OSBPL1A: variants seen among roughly 807,000 people sequenced by gnomAD.
OSBPL1A encodes the protein oxysterol binding protein like 1A.
A neutral mutation model predicts 137.1 loss-of-function variants in OSBPL1A; 80 were observed. The observed-to-expected ratio is 0.58, with a 90% CI of 0.49 to 0.70. OSBPL1A has a LOEUF of 0.70. OSBPL1A is among the 30% of genes least tolerant of loss of function. The pLI, the probability that OSBPL1A is intolerant of heterozygous loss-of-function variation, is 0.00. For missense variants in OSBPL1A, 970 were observed against 1,129.4 expected, an observed-to-expected ratio of 0.86 and a Z score of 2.02; for synonymous variants, 365 against 389.7, an observed-to-expected ratio of 0.94 and a Z score of 0.75.
Position 24,239,387 on chromosome 18 carries a change from A to T in OSBPL1A, c.1282-5T>A, listed in dbSNP as rs767193231. 220 of 1,612,198 alleles carry T rather than the reference A, an allele frequency of 1.4e-4. 2 individuals carry two copies. The South Asian group carries it at 2.3e-3, about 17-fold the overall frequency. ...TTCCAATTTAAAATTCCTCACCTAG[A>T]AGAAAACAGATATACAGAAAAGACT... On this transcript the variant is annotated splice_region_variant and splice_polypyrimidine_tract_variant and intron_variant, in intron 15 of 27. Transcript: ENST00000319481.
chr18:24,170,544 G>C (rs1400410521), intron 23 of OSBPL1A, 91 bp from the exon 24 acceptor site: 1 of 1,471,242 alleles, frequency 6.8e-7, no homozygotes. Flanking sequence ...TCTCCCATCC[G>C]AGTACTAACC....
intron 2 of OSBPL1A, among the ~76,000 whole-genome samples, chr18:24,372,177 AG>A: frequency 6.6e-6 from 1 of 151,348 alleles, no homozygotes; most frequent in Non-Finnish European, 1.5e-5. Flanking sequence ...CCAGAGGCTG[AG>A]GTGGGAGGAT....
intron 12 of OSBPL1A, among the ~76,000 whole-genome samples, chr18:24,312,367 CA>C (rs1310124833): frequency 6.6e-6 from 1 of 152,110 alleles, no homozygotes; most frequent in East Asian, 1.9e-4. Flanking sequence ...AAACACATTA[CA>C]GAAATTAAAT....
chr18:24,380,578 T>C (rs180830767), intron 1 of OSBPL1A, among the ~76,000 whole-genome samples: 12 of 152,328 alleles, frequency 7.9e-5, no homozygotes, highest in African/African-American at 2.6e-4. Context: ...GTCCCTTCTA[T>C]AGCCCTACCA....
At chr18:24,367,605 T>A (rs2091721371) in intron 3 of OSBPL1A, 1 of 147,104 alleles carries the variant, frequency 6.8e-6, no homozygotes, top group African/African-American at 2.5e-5. Flanking sequence ...ATTACGCCAC[T>A]GCACTCCAGC....
At chr18:24,378,637 C>T (rs1165671930) in intron 1 of OSBPL1A, among the ~76,000 whole-genome samples, 1 of 152,196 alleles carries the variant, frequency 6.6e-6, no homozygotes, top group Non-Finnish European at 1.5e-5. Flanking sequence ...TGGTTAAATA[C>T]ATCTTCCAGT....
chr18:24,172,381 G>A lies in OSBPL1A; in HGVS notation c.2196C>T (p.Asn732=), dbSNP rs773993317. 31 of 1,610,812 alleles carry A rather than the reference G, an allele frequency of 1.9e-5. No homozygotes were observed. Among genetic ancestry groups the A allele is most frequent in the Non-Finnish European group, 2.6e-5 (31 of 1,177,168 alleles). ...AAGTACCCAAGGTGCCTTACTTGTG[G>A]TTTATAATTTCCACATTGCCATACT... is the stretch of plus-strand genomic sequence containing the variant. ...IEQYGNVEII[N]HKTGDKCVLN... is the part of the protein sequence containing the mutation. The change falls in exon 22 of 28, where the codon AAC becomes AAT. Residue 732 remains asparagine, a synonymous_variant. Coordinates refer to ENST00000319481, the MANE Select transcript of OSBPL1A (RefSeq NM_080597.4).
intron 17 of OSBPL1A, among the ~76,000 whole-genome samples, chr18:24,212,309 C>A (rs2087568126): frequency 6.6e-6 from 1 of 152,036 alleles, no homozygotes; most frequent in African/African-American, 2.4e-5. Flanking sequence ...CCACCCGCCT[C>A]AGCCTCCCAA....
intron 15 of OSBPL1A, among the ~76,000 whole-genome samples, chr18:24,247,617 C>T (rs1395937646): frequency 6.6e-6 from 1 of 152,008 alleles, no homozygotes; most frequent in Non-Finnish European, 1.5e-5. Context: ...AGCACATCAC[C>T]ATGGCTGGCT....
At chr18:24,290,598 G>T (rs1025150789) in intron 14 of OSBPL1A, among the ~76,000 whole-genome samples, 1 of 152,120 alleles carries the variant, frequency 6.6e-6, no homozygotes, top group African/African-American at 2.4e-5. Flanking sequence ...CAGGAGAATC[G>T]CTTGAACCCG....
At chr18:24,276,407 A>G (rs2089846921) in intron 15 of OSBPL1A, among the ~76,000 whole-genome samples, 1 of 152,076 alleles carries the variant, frequency 6.6e-6, no homozygotes, top group East Asian at 1.9e-4. Context: ...TATTTTATAT[A>G]TTGCCATTTT....
chr18:24,303,824 A>G (rs1328462216), intron 13 of OSBPL1A, 106 bp from the exon 14 acceptor site: 3 of 854,340 alleles, frequency 3.5e-6, no homozygotes, highest in Non-Finnish European at 5.6e-6. Context: ...TTGATATACC[A>G]TAACAGAGAC....
Position 24,271,554 on chromosome 18 carries a change from T to C in OSBPL1A, c.1281+9288A>G. On this transcript the variant is annotated intron_variant, in intron 15 of 27. Coordinates refer to ENST00000319481, the MANE Select transcript of OSBPL1A (RefSeq NM_080597.4). This position sits in a 1 kb window ranked among gnomAD's most constrained non-coding sequence, Gnocchi z 4.0. ...AAGTCTGGCCGCCCTCCCCGCTCCG[T>C]CCCCCGGCGTCCTCCGTGGCCCCAG... 1.0e-6 allele frequency: 1 copy of C among 986,540 alleles called. No homozygotes were observed. Among genetic ancestry groups the C allele is most frequent in the Non-Finnish European group, 1.2e-6 (1 of 830,914 alleles). 61.1% of individuals were successfully genotyped at this position (986,540 alleles called of 1,614,324 possible). A position where few individuals can be genotyped will look rare whatever the true frequency, so the allele number is the denominator to read the frequency against.
chr18:24,208,742 A>AT (rs2087445076), intron 17 of OSBPL1A, among the ~76,000 whole-genome samples: 1 of 152,168 alleles, frequency 6.6e-6, no homozygotes, highest in Non-Finnish European at 1.5e-5. Context: ...ATGCCAGATG[A>AT]TTTTCTATTA....
chr18:24,184,480 C>T (rs866118509), intron 18 of OSBPL1A, among the ~76,000 whole-genome samples: 2 of 152,166 alleles, frequency 1.3e-5, no homozygotes, highest in Non-Finnish European at 2.9e-5. Context: ...CTATGTCCTA[C>T]CCAGATTTTA....
intron 24 of OSBPL1A, among the ~76,000 whole-genome samples, chr18:24,169,263 A>G (rs1237347192): frequency 6.6e-6 from 1 of 152,244 alleles, no homozygotes; most frequent in East Asian, 1.9e-4. Flanking sequence ...CTCCGTCTAC[A>G]AAGAAAGTCA....
chr18:24,361,283 C>G (rs931483319), intron 4 of OSBPL1A, among the ~76,000 whole-genome samples: 1 of 152,184 alleles, frequency 6.6e-6, no homozygotes, highest in Non-Finnish European at 1.5e-5. Flanking sequence ...TGCCTCAGCG[C>G]CCCAAAGTGC....
chr18:24,227,120 T>C (rs1276120312), intron 16 of OSBPL1A, among the ~76,000 whole-genome samples: 2 of 152,128 alleles, frequency 1.3e-5, no homozygotes, highest in Non-Finnish European at 2.9e-5. Flanking sequence ...CTCAGACTCC[T>C]AACCTCAGGT....
At chr18:24,183,311 C>T (rs67692014) in intron 18 of OSBPL1A, among the ~76,000 whole-genome samples, 27,455 of 152,012 alleles carry the variant, frequency 0.18, 2,887 homozygotes, top group East Asian at 0.37. Context: ...TTCCCTTTCC[C>T]ACTCCTCTTC....
Sources: allele counts gnomAD v4.1 joint callset (sites outside exome capture counted in the v4.1 genomes callset), GRCh38; gene constraint gnomAD v4.1.1; non-coding constraint Gnocchi (gnomAD v3.1); transcripts MANE v1.5; gene names NCBI Gene and HGNC (gene_info 2026-07-23, HGNC 2026-07-21).